The following CPB1 variants were observed in gnomAD, a reference collection of about 807,000 sequenced individuals.
CPB1 encodes carboxypeptidase B1, also known as carboxypeptidase B.
Under a neutral mutation model 51.4 loss-of-function variants are expected in CPB1, and 53 were observed. The observed-to-expected ratio is 1.03, with a 90% CI of 0.83 to 1.30. CPB1 has a LOEUF of 1.30. Among genes scored for constraint, CPB1 ranks in the 50% most tolerant of loss-of-function variants. The pLI, the probability that CPB1 is intolerant of heterozygous loss-of-function variation, is 0.00. For missense variants in CPB1, 494 were observed against 516.2 expected, an observed-to-expected ratio of 0.96 and a Z score of 0.42; for synonymous variants, 189 against 186.9, an observed-to-expected ratio of 1.01 and a Z score of -0.09.
At position 148,844,736 on chromosome 3, in the gene CPB1, C is replaced by A. The variant is rs1473214452; in HGVS notation, c.747C>A (p.Asp249Glu). Residue 249 changes from aspartate (D) to glutamate (E), a missense_variant, in exon 8 of 11, where the codon GAC becomes GAA. Coordinates refer to ENST00000282957, the MANE Select transcript of CPB1 (RefSeq NM_001871.3). ...CTGGATCTAGCTGCATTGGCACAGA[C>A]CCCAACAGAAATTTTGATGCTGGTT... Reference protein sequence around the residue: ...THTGSSCIGTDPNRNFDAGWC... With the variant: ...THTGSSCIGTEPNRNFDAGWC... 4.3e-6 allele frequency: 7 copies of A among 1,613,942 alleles called. No homozygotes were observed. The South Asian group carries it at 5.5e-5, about 13-fold the overall frequency.
rs376929869 is a variant in CPB1 at position 148,837,006 on chromosome 3, T to C, written c.272+2384T>C. 1.3e-4 allele frequency among the ~76,000 whole-genome samples: 20 copies of C among 152,238 alleles called. No individual in the cohort carries two copies. In the East Asian group the frequency reaches 3.5e-3, roughly 26 times the overall value. On this transcript the variant is annotated intron_variant, in intron 3 of 10. Transcript: ENST00000282957. ...GCTTTAATCAGATCCTGAATTATCA[T>C]AGGAAAAAAATCAAAATGTGTGCAA...
At chr3:148,841,092 T>C (rs1448736134) in intron 5 of CPB1, 117 bp downstream of exon 5, 2 of 783,002 alleles carry the variant, frequency 2.6e-6, no homozygotes, top group Admixed American at 2.7e-5. Context: ...AACTCTTTCC[T>C]GCCTACATCC....
chr3:148,850,890 A>G (rs373964019), intron 9 of CPB1: 15 of 152,118 alleles, frequency 9.9e-5, no homozygotes, highest in African/African-American at 3.4e-4. Context: ...CCAACTTTAT[A>G]CTCTCATTTA....
intron 9 of CPB1, among the ~76,000 whole-genome samples, chr3:148,846,575 G>A (rs570152070): frequency 2.0e-3 from 295 of 151,020 alleles, no homozygotes; most frequent in African/African-American, 7.0e-3. Flanking sequence ...GTCTTTCGGA[G>A]ACCAAATAAA....
At chr3:148,844,108 A>T (rs967940118) in intron 6 of CPB1, among the ~76,000 whole-genome samples, 1 of 152,230 alleles carries the variant, frequency 6.6e-6, no homozygotes, top group Non-Finnish European at 1.5e-5. Flanking sequence ...AGTAAGTTCT[A>T]TACCTTACTT....
At position 148,844,814 on chromosome 3, in the gene CPB1, A is replaced by G. The variant is rs377287536; in HGVS notation, c.778+47A>G. On this transcript the variant is annotated intron_variant, in intron 8 of 10. Coordinates refer to ENST00000282957, the MANE Select transcript of CPB1 (RefSeq NM_001871.3). ...TTGCATGTATCCATTGAAAAACATA[A>G]GAGGAAAAATATGAAAACACAACAG... 7 of 1,537,328 alleles carry G rather than the reference A, an allele frequency of 4.6e-6. No homozygotes were observed. In the African/African-American group the frequency reaches 5.5e-5, roughly 12 times the overall value.
rs964284633 is a variant in CPB1, at chr3:148,854,224, T to G, written c.982-3233T>G. ...TTCCCACTGAGCTTGCTGCCCCAGG[T>G]GGAATTCCATTCTGCTAGAAAATTC... On this transcript the variant is annotated intron_variant, in intron 9 of 10. Coordinates refer to ENST00000282957, the MANE Select transcript of CPB1 (RefSeq NM_001871.3). 8 of 152,222 alleles carry G rather than the reference T, an allele frequency of 5.3e-5. No individual in the cohort carries two copies. The South Asian group carries it at 1.0e-3, about 20-fold the overall frequency. 9.4% of individuals were successfully genotyped at this position (152,222 alleles called of 1,614,324 possible). A position where few individuals can be genotyped will look rare whatever the true frequency, so the allele number is the denominator to read the frequency against.
At chr3:148,846,476 G>A (rs1392319989) in intron 9 of CPB1, among the ~76,000 whole-genome samples, 2 of 151,648 alleles carry the variant, frequency 1.3e-5, no homozygotes, top group East Asian at 3.9e-4. Flanking sequence ...TTTAGACAAT[G>A]ACATGGATAT....
chr3:148,838,014 C>G (rs1208346744), intron 3 of CPB1, among the ~76,000 whole-genome samples: 1 of 152,072 alleles, frequency 6.6e-6, no homozygotes, highest in Non-Finnish European at 1.5e-5. Context: ...CTTGGGAGGC[C>G]TAGGCAGGTG....
At chr3:148,834,342 T>A (rs1712828345) in intron 2 of CPB1, among the ~76,000 whole-genome samples, 156 bp from the exon 3 acceptor site, 1 of 152,212 alleles carries the variant, frequency 6.6e-6, no homozygotes, top group African/African-American at 2.4e-5. Context: ...AACTGCTTGG[T>A]TCCAACCCTT....
intron 9 of CPB1, among the ~76,000 whole-genome samples, chr3:148,847,769 T>C (rs1329629409): frequency 1.3e-5 from 2 of 152,176 alleles, no homozygotes; most frequent in African/African-American, 2.4e-5. Flanking sequence ...CTTGGATGTT[T>C]GTTTCTACAC....
Position 148,845,543 on chromosome 3 carries a change from T to C in CPB1, c.898T>C (p.Tyr300His), listed in dbSNP as rs2108016936. Residue 300 changes from tyrosine to histidine, a missense_variant, in exon 9 of 11, where the codon TAT becomes CAT. Coordinates refer to ENST00000282957, the MANE Select transcript of CPB1 (RefSeq NM_001871.3). ...CAACAAACTCTCTTCCATCAAGGCATATCTGACAATCCACTCGTACTCCCA... is the reference window on the plus strand; with the variant it reads ...CAACAAACTCTCTTCCATCAAGGCACATCTGACAATCCACTCGTACTCCCA... Reference protein sequence around the residue: ...IRNKLSSIKAYLTIHSYSQMM... With the variant: ...IRNKLSSIKAHLTIHSYSQMM... 3 of 1,613,998 alleles carry C rather than the reference T, an allele frequency of 1.9e-6. No homozygotes were observed. The highest frequency in any genetic ancestry group is 2.2e-5 in the East Asian group (1 of 44,886).
intron 9 of CPB1, chr3:148,857,017 C>CTATTG (rs1346622247): frequency 6.3e-6 from 1 of 158,354 alleles, no homozygotes; most frequent in African/African-American, 2.5e-5. Context: ...TCACACAACC[C>CTATTG]TATTGTAACT....
chr3:148,851,498 T>C (rs965820679), intron 9 of CPB1: 6 of 152,152 alleles, frequency 3.9e-5, no homozygotes, highest in African/African-American at 1.2e-4. Context: ...ATGATAAGAC[T>C]TGGGTACCAG....
intron 3 of CPB1, chr3:148,838,312 A>T (rs1158661716): frequency 6.6e-6 from 1 of 152,090 alleles, no homozygotes; most frequent in Non-Finnish European, 1.5e-5. Flanking sequence ...TGCAGGTAAG[A>T]GGATAGCAAT....
chr3:148,835,783 T>C (rs1559956982), intron 3 of CPB1, among the ~76,000 whole-genome samples: 1 of 149,890 alleles, frequency 6.7e-6, no homozygotes. Context: ...TATATAATTT[T>C]AACAGAAATT....
At chr3:148,845,742 G>T in intron 9 of CPB1, 116 bp downstream of exon 9, 1 of 803,030 alleles carries the variant, frequency 1.2e-6, no homozygotes, top group East Asian at 2.7e-5. Flanking sequence ...GATTTTTTTG[G>T]TAGTAGAATT....
At chr3:148,827,922 T>C in intron 1 of CPB1, 28 bp downstream of exon 1, 1 of 1,611,738 alleles carries the variant, frequency 6.2e-7, no homozygotes, top group Admixed American at 1.7e-5. Context: ...AAGGAGCAAG[T>C]CCTTCTTCCT....
intron 9 of CPB1, chr3:148,850,854 C>A (rs2108019659): frequency 6.6e-6 from 1 of 152,220 alleles, no homozygotes; most frequent in Non-Finnish European, 1.5e-5. Flanking sequence ...GCTTTAGGCA[C>A]AAAACATCTG....
Sources: gnomAD v4.1 joint callset for allele counts (sites outside exome capture counted in the v4.1 genomes callset) on GRCh38, gnomAD v4.1.1 for gene constraint, MANE v1.5 for transcripts, NCBI Gene and HGNC (gene_info 2026-07-23, HGNC 2026-07-21) for gene names.